The following LCMT1 variants were observed in gnomAD, a reference collection of about 807,000 sequenced individuals.
LCMT1 encodes the protein leucine carboxyl methyltransferase 1.
In LCMT1, 32 loss-of-function variants were observed where a neutral mutation model predicts 47.7. The ratio of observed to expected loss-of-function variants is 0.67; its 90% CI spans 0.51 to 0.90. LCMT1 has a LOEUF of 0.90. Ranked by LOEUF, LCMT1 falls within the 40% of genes least tolerant of loss-of-function variation. The probability of loss-of-function intolerance (pLI) is 0.00; values close to 1 mark genes in which losing one functional copy is unlikely to be tolerated. For synonymous variants in LCMT1, 152 were observed against 149.7 expected, an observed-to-expected ratio of 1.02 and a Z score of -0.11; for missense variants, 375 against 415.2, an observed-to-expected ratio of 0.90 and a Z score of 0.84.
chr16:25,123,491 T>C (rs1183465775), intron 1 of LCMT1, among the ~76,000 whole-genome samples: 2 of 150,558 alleles, frequency 1.3e-5, no homozygotes, highest in Non-Finnish European at 3.0e-5. Context: ...TCCCAAAGCG[T>C]TGGGATTACA....
chr16:25,154,926 AAGG>A lies in LCMT1; in HGVS notation c.466+3314_466+3316del, dbSNP rs1372504089. ...TTTATAGTTTTTGATTGTGCTGAGAAAGGAGAATTTGAATAAAAATGAAATAAA... is the reference window on the plus strand; with the variant it reads ...TTTATAGTTTTTGATTGTGCTGAGAAAGAATTTGAATAAAAATGAAATAAA... On this transcript the variant is annotated intron_variant, in intron 5 of 10. Coordinates refer to ENST00000399069, the MANE Select transcript of LCMT1 (RefSeq NM_016309.3). Among the ~76,000 whole-genome samples the A allele has an allele frequency of 2.6e-5, 4 of 151,944 alleles. No individual in the cohort carries two copies. In the South Asian group the frequency reaches 6.2e-4, roughly 24 times the overall value.
In LCMT1 at chr16:25,170,694, C is replaced by A. The variant is rs184671695; in HGVS notation, c.793-20C>A. 5.2e-5 allele frequency: 83 copies of A among 1,595,316 alleles called. No individual in the cohort carries two copies. The African/African-American group carries it at 1.1e-3, about 21-fold the overall frequency. ...CTGGTAGTTCTCTAGTTCTCCATTT[C>A]TCTTCGTTGCACATTTTAGAAAGAA... On this transcript the variant is annotated intron_variant, in intron 8 of 10. Transcript: ENST00000399069.
intron 1 of LCMT1, among the ~76,000 whole-genome samples, chr16:25,121,951 T>C (rs1960003271): frequency 6.6e-6 from 1 of 152,198 alleles, no homozygotes; most frequent in Non-Finnish European, 1.5e-5. Flanking sequence ...TGTTCTGCAG[T>C]TTCGTACTTT....
At chr16:25,130,065 A>G (rs1960303786) in intron 2 of LCMT1, among the ~76,000 whole-genome samples, 2 of 152,086 alleles carry the variant, frequency 1.3e-5, no homozygotes, top group African/African-American at 4.8e-5. Context: ...ACAGGGCTGG[A>G]CGTGATGGCT....
At chr16:25,177,963 A>T in intron 10 of LCMT1, 38 bp from the exon 11 acceptor site, 1 of 1,608,072 alleles carries the variant, frequency 6.2e-7, no homozygotes, top group Non-Finnish European at 8.5e-7. Flanking sequence ...CCTGGCCACC[A>T]GAGTCTCCTA....
intron 7 of LCMT1, among the ~76,000 whole-genome samples, chr16:25,166,281 AAAAAG>A: frequency 6.6e-6 from 1 of 152,010 alleles, no homozygotes; most frequent in East Asian, 1.9e-4. Flanking sequence ...AAAAAAAAAA[AAAAAG>A]AAAGAAAGAA....
Position 25,164,715 on chromosome 16 carries a change from A to G in LCMT1, c.687A>G (p.Glu229=). 6.2e-7 allele frequency: 1 copy of G among 1,613,952 alleles called. No individual in the cohort carries two copies. Among genetic ancestry groups the G allele is most frequent in the Non-Finnish European group, 8.5e-7 (1 of 1,179,850 alleles). Reference sequence around the variant, plus strand: ...AGAGAGCCATGTTCATAAACTACGAACAGGTAAAAGGAAGCACAGGAGAAC... The same window carrying G: ...AGAGAGCCATGTTCATAAACTACGAGCAGGTAAAAGGAAGCACAGGAGAAC... ...SFERAMFINY[E]QVNMGDRFGQ... The change falls in exon 7 of 11, where the codon GAA becomes GAG. Residue 229 remains glutamate (E), a synonymous_variant. Coordinates refer to ENST00000399069, the MANE Select transcript of LCMT1 (RefSeq NM_016309.3).
intron 3 of LCMT1, among the ~76,000 whole-genome samples, chr16:25,137,485 C>T (rs991098968): frequency 6.6e-6 from 1 of 152,178 alleles, no homozygotes; most frequent in Admixed American, 6.5e-5. Context: ...GGCTCGGTCT[C>T]CCAGGCTGGA....
chr16:25,164,802 C>A, intron 7 of LCMT1, 84 bp downstream of exon 7: 1 of 1,555,800 alleles, frequency 6.4e-7, no homozygotes, highest in South Asian at 1.1e-5. Flanking sequence ...GATAACTTCC[C>A]TTATCCTTTT....
At chr16:25,140,539 C>T (rs557691817) in intron 4 of LCMT1, 5 of 402,428 alleles carry the variant, frequency 1.2e-5, no homozygotes, top group African/African-American at 4.0e-5. Context: ...GGGGCTTGTA[C>T]TCAAGTACTA....
chr16:25,168,680 G>C (rs945309278), intron 7 of LCMT1, among the ~76,000 whole-genome samples: 4 of 152,150 alleles, frequency 2.6e-5, no homozygotes, highest in African/African-American at 9.7e-5. Context: ...CTTTTCAAGA[G>C]TTTACCCTAG....
rs750991801 is a variant in LCMT1 at position 25,123,223 on chromosome 16, CTT to C, written c.114-5234_114-5233del. ...ACAACACTTGTATTATATATAACTT[CTT>C]TTTTTTTTTTTTTTTTTGTGACAGA... On this transcript the variant is annotated intron_variant, in intron 1 of 10. Transcript: ENST00000399069. Among the ~76,000 whole-genome samples, 638 of 116,164 alleles carry C rather than the reference CTT, an allele frequency of 5.5e-3. 2 individuals are homozygous for C. Among genetic ancestry groups the C allele is most frequent in the African/African-American group, 0.02 (616 of 30,266 alleles). 76.2% of individuals were successfully genotyped at this position (116,164 alleles called of 152,430 possible). A position where few individuals can be genotyped will look rare whatever the true frequency, so the allele number is the denominator to read the frequency against.
intron 3 of LCMT1, among the ~76,000 whole-genome samples, chr16:25,133,419 A>T (rs1567313126): frequency 1.5e-5 from 1 of 67,772 alleles, no homozygotes; most frequent in African/African-American, 5.2e-5. Context: ...TTTTTTTGAG[A>T]CAGTCTTGCT....
intron 1 of LCMT1, among the ~76,000 whole-genome samples, chr16:25,123,412 A>G (rs922557722): frequency 4.0e-5 from 6 of 151,610 alleles, no homozygotes; most frequent in Non-Finnish European, 8.8e-5. Flanking sequence ...TTTAGTAGAG[A>G]TGGAGTTTCG....
chr16:25,176,550 C>CTTTTTTTTTTT lies in LCMT1; in HGVS notation c.983-1431_983-1421dup, dbSNP rs1170373745. ...GGTTTTGGTTTTTGTTTTTTTTTGG[C>CTTTTTTTTTTT]TTTTTTTTTTTTTTTTTTTTTTTTT... is the stretch of plus-strand genomic sequence containing the variant. On this transcript the variant is annotated intron_variant, in intron 10 of 10. Coordinates refer to ENST00000399069, the MANE Select transcript of LCMT1 (RefSeq NM_016309.3). Among the ~76,000 whole-genome samples the CTTTTTTTTTTT allele has an allele frequency of 1.1e-4, 5 of 44,258 alleles. 1 individual carries two copies. Among genetic ancestry groups the CTTTTTTTTTTT allele is most frequent in the African/African-American group, 1.0e-4 (1 of 9,816 alleles). 29.0% of individuals were successfully genotyped at this position (44,258 alleles called of 152,430 possible). A position where few individuals can be genotyped will look rare whatever the true frequency, so the allele number is the denominator to read the frequency against.
chr16:25,159,101 A>G (rs1270139469), intron 5 of LCMT1, among the ~76,000 whole-genome samples: 2 of 152,204 alleles, frequency 1.3e-5, no homozygotes, highest in Non-Finnish European at 1.5e-5. Flanking sequence ...CCTGAACTAC[A>G]TGGTACTAGA....
chr16:25,149,676 G>T (rs1205636802), intron 4 of LCMT1, among the ~76,000 whole-genome samples: 2 of 152,212 alleles, frequency 1.3e-5, no homozygotes, highest in Non-Finnish European at 2.9e-5. Context: ...CACTTTGGAA[G>T]GCCAAGGCTG....
At chr16:25,133,443 G>A (rs1401596145) in intron 3 of LCMT1, among the ~76,000 whole-genome samples, 1 of 120,030 alleles carries the variant, frequency 8.3e-6, no homozygotes, top group East Asian at 2.7e-4. Context: ...CTGTTGCCCA[G>A]GCTGGAGTAC....
intron 7 of LCMT1, among the ~76,000 whole-genome samples, chr16:25,167,143 C>T (rs1332581907): frequency 6.6e-6 from 1 of 152,158 alleles, no homozygotes; most frequent in African/African-American, 2.4e-5. Flanking sequence ...GTTTTCAAAA[C>T]GTTGTCCATA....
Sources: gnomAD v4.1 joint callset for allele counts (sites outside exome capture counted in the v4.1 genomes callset) on GRCh38, gnomAD v4.1.1 for gene constraint, MANE v1.5 for transcripts, NCBI Gene and HGNC (gene_info 2026-07-23, HGNC 2026-07-21) for gene names.